Variants in CFAP206 observed in about 807,000 individuals in gnomAD.
CFAP206 encodes cilia- and flagella-associated protein 206.
CFAP206 carries 53 observed loss-of-function variants against 65.4 expected under a neutral mutation model. The ratio of observed to expected loss-of-function variants is 0.81; its 90% CI spans 0.65 to 1.02. The LOEUF (loss-of-function observed/expected upper bound fraction) is 1.02. Ranked by LOEUF, CFAP206 falls within the 50% of genes least tolerant of loss-of-function variation. The pLI is 0.00. For synonymous variants in CFAP206, 250 were observed against 254.4 expected, an observed-to-expected ratio of 0.98 and a Z score of 0.17; for missense variants, 663 against 753.2, an observed-to-expected ratio of 0.88 and a Z score of 1.40.
chr6:87,427,884 T>A (rs1403378875), intron 8 of CFAP206, among the ~76,000 whole-genome samples: 2 of 152,076 alleles, frequency 1.3e-5, no homozygotes, highest in African/African-American at 4.8e-5. Flanking sequence ...TTTTTGGTAC[T>A]TATGAAGGTG....
intron 11 of CFAP206, among the ~76,000 whole-genome samples, chr6:87,453,120 C>A (rs1218859536): frequency 6.6e-6 from 1 of 151,968 alleles, no homozygotes; most frequent in Non-Finnish European, 1.5e-5. Context: ...AGCTCCAATA[C>A]ATCTGGCAGC....
chr6:87,416,294 T>C (rs1212390589), intron 5 of CFAP206, among the ~76,000 whole-genome samples: 1 of 152,226 alleles, frequency 6.6e-6, no homozygotes, highest in Admixed American at 6.5e-5. Context: ...GTCTTTGCCC[T>C]CTTTCATCCT....
chr6:87,426,779 T>C (rs1296477225), intron 8 of CFAP206, 134 bp downstream of exon 8: 1 of 740,902 alleles, frequency 1.3e-6, no homozygotes, highest in Admixed American at 4.1e-5. Context: ...CTGTTCTTTA[T>C]GGTTACTTTG....
At position 87,464,188 on chromosome 6, in the gene CFAP206, G is replaced by C. The variant is rs774845765; in HGVS notation, c.1807G>C (p.Gly603Arg). Residue 603 changes from glycine to arginine, a missense_variant, in exon 13 of 13, where the codon GGA (glycine) becomes CGA (arginine). By Grantham distance (125) the Gly-to-Arg change is moderately radical (BLOSUM62 -2). Coordinates refer to ENST00000369562, the MANE Select transcript of CFAP206 (RefSeq NM_001031743.3). ...PQIYLAGLRGGKSEITDEVKV... is the reference protein window; with the variant it reads ...PQIYLAGLRGRKSEITDEVKV... Reference sequence around the variant, plus strand: ...GATTTACTTGGCTGGTCTTCGTGGAGGAAAGAGCGAAATCACCGATGAGGT... The same window carrying C: ...GATTTACTTGGCTGGTCTTCGTGGACGAAAGAGCGAAATCACCGATGAGGT... 25 of 1,614,024 alleles carry C rather than the reference G, an allele frequency of 1.5e-5. No homozygotes were observed. In the East Asian group the frequency reaches 5.6e-4, roughly 36 times the overall value.
In CFAP206 at chr6:87,439,074, A is replaced by T. The variant is rs375692130; in HGVS notation, c.1494+4021A>T. ...TGCCTTTTAGTTTTCAAAATTTTCC[A>T]TGTAAGTTTCTTAATGAATTTGCTA... is the stretch of plus-strand genomic sequence containing the variant. On this transcript the variant is annotated intron_variant, in intron 11 of 12. Transcript: ENST00000369562. 2.6e-5 allele frequency among the ~76,000 whole-genome samples: 4 copies of T among 152,284 alleles called. No homozygotes were observed. The South Asian group carries it at 8.3e-4, about 32-fold the overall frequency.
intron 2 of CFAP206, among the ~76,000 whole-genome samples, chr6:87,410,367 A>C (rs1035400333): frequency 2.6e-5 from 4 of 152,320 alleles, no homozygotes; most frequent in African/African-American, 7.2e-5. Flanking sequence ...TAACTTTTCT[A>C]GCACCATATT....
intron 11 of CFAP206, among the ~76,000 whole-genome samples, chr6:87,451,895 G>A (rs546560949): frequency 2.7e-5 from 4 of 148,514 alleles, no homozygotes; most frequent in African/African-American, 4.9e-5. Flanking sequence ...AAAAAATTCC[G>A]CTTCCCTGAA....
chr6:87,430,957 T>G, intron 9 of CFAP206, 76 bp from the exon 10 acceptor site: 277 of 1,353,222 alleles, frequency 2.0e-4, no homozygotes, highest in Non-Finnish European at 2.7e-4. Flanking sequence ...ATGTTTAGAA[T>G]GAGCTACTGC....
At chr6:87,416,111 C>CATAT (rs1582132965) in intron 5 of CFAP206, among the ~76,000 whole-genome samples, 2 of 152,054 alleles carry the variant, frequency 1.3e-5, no homozygotes, top group African/African-American at 4.8e-5. Context: ...TAGAGCTGTA[C>CATAT]ATATCTAGGC....
intron 3 of CFAP206, among the ~76,000 whole-genome samples, chr6:87,413,137 AC>A (rs1222619888): frequency 6.6e-6 from 1 of 152,212 alleles, no homozygotes; most frequent in African/African-American, 2.4e-5. Flanking sequence ...ACTACTAGCC[AC>A]CTGGCATGAT....
At chr6:87,450,666 C>T (rs938613183) in intron 11 of CFAP206, among the ~76,000 whole-genome samples, 1 of 150,804 alleles carries the variant, frequency 6.6e-6, no homozygotes, top group Non-Finnish European at 1.5e-5. Flanking sequence ...TGATCATCCC[C>T]CGACAGGAAC....
chr6:87,446,547 C>T (rs539301383), intron 11 of CFAP206, among the ~76,000 whole-genome samples: 29 of 152,142 alleles, frequency 1.9e-4, no homozygotes, highest in Non-Finnish European at 2.1e-4. Flanking sequence ...TCTGTTCCAT[C>T]GGTCTATGTG....
chr6:87,449,883 C>A lies in CFAP206; in HGVS notation c.1495-11139C>A, dbSNP rs532348978. ...GTTGCCTGGGCTTTTGAGGTCTTAT[C>A]CAAAAGATCTTTGCCCAGACCAATG... is the stretch of plus-strand genomic sequence containing the variant. On this transcript the variant is annotated intron_variant, in intron 11 of 12. Transcript: ENST00000369562. Among the ~76,000 whole-genome samples, 7 of 152,178 alleles carry A rather than the reference C, an allele frequency of 4.6e-5. No individual in the cohort carries two copies. In the South Asian group the frequency reaches 1.5e-3, roughly 32 times the overall value.
chr6:87,451,910 G>A (rs1012947748), intron 11 of CFAP206, among the ~76,000 whole-genome samples: 1 of 151,990 alleles, frequency 6.6e-6, no homozygotes, highest in African/African-American at 2.4e-5. Flanking sequence ...CCTGAAAGGG[G>A]AGGCCCGGTC....
intron 10 of CFAP206, among the ~76,000 whole-genome samples, chr6:87,432,403 T>C (rs965680131): frequency 6.6e-6 from 1 of 152,120 alleles, no homozygotes; most frequent in Non-Finnish European, 1.5e-5. Context: ...AGAAGTAAAA[T>C]GCAATGGAAT....
intron 7 of CFAP206, among the ~76,000 whole-genome samples, chr6:87,421,774 T>A (rs1767945275): frequency 6.6e-6 from 1 of 152,164 alleles, no homozygotes; most frequent in East Asian, 1.9e-4. Flanking sequence ...TTTTGTAGAG[T>A]TATTTCCCCC....
chr6:87,452,613 C>A (rs888046140), intron 11 of CFAP206, among the ~76,000 whole-genome samples: 17 of 151,940 alleles, frequency 1.1e-4, no homozygotes, highest in Admixed American at 2.6e-4. Context: ...AAATGAGAAT[C>A]CCATCAGATA....
rs16879303 is a variant in CFAP206, at chr6:87,419,795, C to G, written c.840+1379C>G. Among the ~76,000 whole-genome samples the G allele has an allele frequency of 9.7e-3, 1,484 of 152,300 alleles. 33 individuals carry two copies. Among genetic ancestry groups the G allele is most frequent in the African/African-American group, 0.035 (1,435 of 41,546 alleles). ...TCATTCAAACTAGGGGTTGTCCTCACAACTAGCCTATCTAATTGTCTTCAG... is the reference window on the plus strand; with the variant it reads ...TCATTCAAACTAGGGGTTGTCCTCAGAACTAGCCTATCTAATTGTCTTCAG... On this transcript the variant is annotated intron_variant, in intron 7 of 12. Coordinates refer to ENST00000369562, the MANE Select transcript of CFAP206 (RefSeq NM_001031743.3).
intron 11 of CFAP206, among the ~76,000 whole-genome samples, chr6:87,452,860 C>T (rs1332549309): frequency 6.6e-6 from 1 of 151,944 alleles, no homozygotes; most frequent in Admixed American, 6.6e-5. Flanking sequence ...AAGGACAAAT[C>T]TAAGAGTTAT....
Sources: gnomAD v4.1 joint callset for allele counts (sites outside exome capture counted in the v4.1 genomes callset) on GRCh38, gnomAD v4.1.1 for gene constraint, MANE v1.5 for transcripts, NCBI Gene and HGNC (gene_info 2026-07-23, HGNC 2026-07-21) for gene names.